Variants in NOMO1 observed in about 807,000 individuals in gnomAD.
NOMO1 encodes the protein NODAL modulator 1, also known as nodal modulator 3.
Under a neutral mutation model 133.8 loss-of-function variants are expected in NOMO1, and 40 were observed. That is an observed-to-expected ratio of 0.30 (90% CI 0.23 to 0.39). The LOEUF (loss-of-function observed/expected upper bound fraction) is 0.39. Among genes scored for constraint, NOMO1 ranks in the 10% least tolerant of loss-of-function variants. NOMO1 has a pLI of 1.00. For synonymous variants in NOMO1, 236 were observed against 570.5 expected, an observed-to-expected ratio of 0.41 and a Z score of 8.36; for missense variants, 462 against 1,419.9, an observed-to-expected ratio of 0.33 and a Z score of 10.84.
chr16:14,880,735 A>T (rs1327117579), intron 24 of NOMO1, among the ~76,000 whole-genome samples: 1 of 152,068 alleles, frequency 6.6e-6, no homozygotes, highest in Non-Finnish European at 1.5e-5. Flanking sequence ...AAAAGGAGAA[A>T]ATGTGCTCAG....
chr16:14,880,212 T>TG, intron 24 of NOMO1, 70 bp downstream of exon 24: 1 of 1,276,720 alleles, frequency 7.8e-7, no homozygotes, highest in Non-Finnish European at 1.1e-6. Flanking sequence ...CTCTGTTGCC[T>TG]GGAAACGCAT....
chr16:14,892,720 AG>A (rs572877195), intron 29 of NOMO1, among the ~76,000 whole-genome samples: 259 of 151,342 alleles, frequency 1.7e-3, no homozygotes, highest in African/African-American at 5.7e-3. Context: ...GGGCCCTCAC[AG>A]GTTGATCCTC....
rs572871463 is a variant in NOMO1, at chr16:14,871,520, G to A, written c.1895-101G>A. 91 of 1,574,084 alleles carry A rather than the reference G, an allele frequency of 5.8e-5. 1 individual carries two copies. In the South Asian group the frequency reaches 1.0e-3, roughly 18 times the overall value. On this transcript the variant is annotated intron_variant, in intron 16 of 30. Coordinates refer to ENST00000287667, the MANE Select transcript of NOMO1 (RefSeq NM_014287.4). ...TATTGCAGATCTGCGATACGTTTGA[G>A]TTTTCACATGCAAAGAGCTGCCACT...
chr16:14,846,408 T>A (rs1963682462), intron 4 of NOMO1, among the ~76,000 whole-genome samples, 169 bp from the exon 5 acceptor site: 1 of 143,672 alleles, frequency 7.0e-6, no homozygotes, highest in Non-Finnish European at 1.5e-5. Flanking sequence ...CTGTTCCCTC[T>A]CCTACCTCAT....
chr16:14,866,932 G>A (rs1045379091), intron 15 of NOMO1, among the ~76,000 whole-genome samples: 1 of 149,002 alleles, frequency 6.7e-6, no homozygotes, highest in Admixed American at 6.7e-5. Flanking sequence ...CTGGTGATTC[G>A]GGGTGACCTT....
chr16:14,845,785 G>A (rs1366689387), intron 4 of NOMO1, among the ~76,000 whole-genome samples: 9 of 150,986 alleles, frequency 6.0e-5, no homozygotes, highest in Non-Finnish European at 8.9e-5. Flanking sequence ...TTTCTTTATC[G>A]ATGGTTTGCA....
chr16:14,836,951 C>T (rs1487361319), intron 1 of NOMO1, among the ~76,000 whole-genome samples: 2 of 151,376 alleles, frequency 1.3e-5, no homozygotes, highest in East Asian at 2.0e-4. Flanking sequence ...ATGATCCACC[C>T]GCCTCGGCCT....
chr16:14,834,609 T>C lies in NOMO1; in HGVS notation c.165+593T>C, dbSNP rs1164397442. Among the ~76,000 whole-genome samples, 5 of 149,304 alleles carry C rather than the reference T, an allele frequency of 3.3e-5. 1 individual carries two copies. The highest frequency in any genetic ancestry group is 1.3e-4 in the Admixed American group (2 of 15,006). On this transcript the variant is annotated intron_variant, in intron 1 of 30. Transcript: ENST00000287667. ...TATTTCTCCGGCTCCCCTCCACTTCTGAAAATGGAGAGTTGCCAGCTGCCC... is the reference window on the plus strand; with the variant it reads ...TATTTCTCCGGCTCCCCTCCACTTCCGAAAATGGAGAGTTGCCAGCTGCCC...
rs757049459 is a variant in NOMO1 at position 14,892,609 on chromosome 16, T to TA, written c.3445-2370dup. Among the ~76,000 whole-genome samples, 973 of 105,806 alleles carry TA rather than the reference T, an allele frequency of 9.2e-3. 7 individuals carry two copies. The highest frequency in any genetic ancestry group is 0.018 in the African/African-American group (498 of 28,154). 69.4% of individuals were successfully genotyped at this position (105,806 alleles called of 152,430 possible). A position where few individuals can be genotyped will look rare whatever the true frequency, so the allele number is the denominator to read the frequency against. Reference sequence around the variant, plus strand: ...TATATCCTAAAACTTAAAGTATAATTAAAAAAAAAAAAAAAAAAAGCTATG... The same window carrying TA: ...TATATCCTAAAACTTAAAGTATAATTAAAAAAAAAAAAAAAAAAAAGCTATG... On this transcript the variant is annotated intron_variant, in intron 29 of 30. Transcript: ENST00000287667.
At chr16:14,860,265 G>A (rs1291905888) in intron 11 of NOMO1, among the ~76,000 whole-genome samples, 1 of 151,726 alleles carries the variant, frequency 6.6e-6, no homozygotes, top group Non-Finnish European at 1.5e-5. Flanking sequence ...CAACTCAGGA[G>A]GCTGAGGCAG....
Position 14,857,083 on chromosome 16 carries a change from C to T in NOMO1, c.964-134C>T, listed in dbSNP as rs1040351939. The T allele has an allele frequency of 1.5e-5, 16 of 1,040,754 alleles. No individual in the cohort carries two copies. The African/African-American group carries it at 1.9e-4, about 12-fold the overall frequency. 64.5% of individuals were successfully genotyped at this position (1,040,754 alleles called of 1,614,324 possible). On this transcript the variant is annotated intron_variant, in intron 9 of 30. Transcript: ENST00000287667. ...GAGGGAGCCTGGCTGGCACACAGGA[C>T]CGGGGCACTGAGTGTTGGGAGGTGG...
At chr16:14,837,366 G>A (rs920443980) in intron 1 of NOMO1, among the ~76,000 whole-genome samples, 2 of 152,094 alleles carry the variant, frequency 1.3e-5, no homozygotes, top group African/African-American at 4.8e-5. Context: ...ATGCATTGAT[G>A]TGAATCTGTA....
chr16:14,840,542 G>A (rs997603177), intron 2 of NOMO1, among the ~76,000 whole-genome samples: 2 of 136,954 alleles, frequency 1.5e-5, no homozygotes, highest in Non-Finnish European at 1.6e-5. Context: ...AGCCAAGATC[G>A]CACCACTTCA....
At chr16:14,894,045 AT>A (rs1485933527) in intron 29 of NOMO1, among the ~76,000 whole-genome samples, 14 of 150,584 alleles carry the variant, frequency 9.3e-5, no homozygotes, top group African/African-American at 3.4e-4. Context: ...TTCTCCTTCC[AT>A]TTATTTGCTT....
At chr16:14,846,823 A>G in intron 5 of NOMO1, 140 bp downstream of exon 5, 1 of 1,431,722 alleles carries the variant, frequency 7.0e-7, no homozygotes, top group Non-Finnish European at 9.7e-7. Context: ...CATGCCCGTC[A>G]GAGTGCTGAG....
rs1964001337 is a variant in NOMO1 at position 14,866,694 on chromosome 16, A to T, written c.1806+3A>T. 6.2e-7 allele frequency: 1 copy of T among 1,609,926 alleles called. No homozygotes were observed. Among genetic ancestry groups the T allele is most frequent in the African/African-American group, 1.4e-5 (1 of 73,606 alleles). On this transcript the variant is annotated splice_donor_region_variant and intron_variant, in intron 15 of 30. Transcript: ENST00000287667. ...CCCTGTCTCACGCCATCACTCTGGT[A>T]TGTACGGCTTATTGAGTCTCTTATT...
intron 27 of NOMO1, among the ~76,000 whole-genome samples, chr16:14,884,818 C>T (rs1160259178): frequency 6.6e-6 from 1 of 152,014 alleles, no homozygotes. Context: ...AAAGAAAGCG[C>T]CTTGTAACTT....
intron 11 of NOMO1, among the ~76,000 whole-genome samples, chr16:14,858,943 A>G (rs1419352072): frequency 2.0e-5 from 3 of 151,954 alleles, no homozygotes; most frequent in African/African-American, 4.8e-5. Flanking sequence ...GGGGACAGAA[A>G]GAGAAGCCAG....
intron 9 of NOMO1, among the ~76,000 whole-genome samples, chr16:14,856,571 C>G (rs1361473644): frequency 2.0e-5 from 3 of 152,028 alleles, no homozygotes; most frequent in African/African-American, 4.8e-5. Context: ...GCCACCACAC[C>G]TGGCTAATTT....
Sources: allele counts gnomAD v4.1 joint callset (sites outside exome capture counted in the v4.1 genomes callset), GRCh38; gene constraint gnomAD v4.1.1; transcripts MANE v1.5; gene names NCBI Gene and HGNC (gene_info 2026-07-23, HGNC 2026-07-21).